Variants in CLEC6A observed in about 807,000 individuals in gnomAD.
The protein encoded by CLEC6A is C-type lectin domain containing 6A.
CLEC6A carries 22 observed loss-of-function variants against 25.7 expected under a neutral mutation model. The observed-to-expected ratio is 0.85, with a 90% confidence interval of 0.61 to 1.22. The LOEUF (loss-of-function observed/expected upper bound fraction) is 1.22. Ranked by LOEUF, CLEC6A falls within the 50% of genes most tolerant of loss-of-function variation. CLEC6A has a pLI of 0.00. For synonymous variants in CLEC6A, 92 were observed against 76.7 expected (o/e 1.20, Z -1.04); for missense variants, 240 against 236.8 (o/e 1.01, Z -0.09).
intron 3 of CLEC6A, among the ~76,000 whole-genome samples, chr12:8,461,413 C>G (rs1159824624): frequency 6.6e-6 from 1 of 152,154 alleles, no homozygotes; most frequent in Non-Finnish European, 1.5e-5. Flanking sequence ...ACAATGGGCA[C>G]CTTAGCTTTT....
At chr12:8,465,757 T>C (rs900651696) in intron 4 of CLEC6A, 128 bp downstream of exon 4, 4 of 716,194 alleles carry the variant, frequency 5.6e-6, no homozygotes, top group Non-Finnish European at 8.2e-6. Flanking sequence ...GTAACAGATC[T>C]CTAGAACTTT....
rs1470223524 is a variant in CLEC6A, at chr12:8,459,636, T to C, written c.161T>C (p.Leu54Pro). 6.8e-6 allele frequency: 11 copies of C among 1,613,418 alleles called. No homozygotes were observed. Among genetic ancestry groups the C allele is most frequent in the African/African-American group, 5.3e-5 (4 of 74,914 alleles). The change falls in exon 3 of 6, where the codon CTG becomes CCG. Residue 54 changes from leucine (L) to proline (P), a missense_variant. Physicochemically the swap from Leu to Pro is moderately conservative, Grantham distance 98. Transcript: ENST00000382073. Reference sequence around the variant, plus strand: ...ACATATGGTGAAACTGGCAAAAGGCTGTCTGAACTACACTCATATCATTCA... The same window carrying C: ...ACATATGGTGAAACTGGCAAAAGGCCGTCTGAACTACACTCATATCATTCA... ...HFTYGETGKRLSELHSYHSSL... is the reference protein window; with the variant it reads ...HFTYGETGKRPSELHSYHSSL...
intron 4 of CLEC6A, among the ~76,000 whole-genome samples, chr12:8,472,317 G>A (rs1440323791): frequency 6.6e-6 from 1 of 152,140 alleles, no homozygotes; most frequent in Non-Finnish European, 1.5e-5. Flanking sequence ...AAGCTGCCAT[G>A]CTTGCTTTCG....
At chr12:8,472,419 C>A (rs1939917532) in intron 4 of CLEC6A, among the ~76,000 whole-genome samples, 2 of 152,210 alleles carry the variant, frequency 1.3e-5, no homozygotes, top group African/African-American at 4.8e-5. Context: ...AAGGCAGTCC[C>A]CTGGAAAGCC....
At chr12:8,468,232 C>A (rs1939862730) in intron 4 of CLEC6A, among the ~76,000 whole-genome samples, 1 of 152,186 alleles carries the variant, frequency 6.6e-6, no homozygotes, top group South Asian at 2.1e-4. Context: ...CGTGAGCCAC[C>A]ACATGTGGCC....
intron 3 of CLEC6A, among the ~76,000 whole-genome samples, chr12:8,464,583 C>T (rs188739108): frequency 2.0e-5 from 3 of 152,254 alleles, no homozygotes; most frequent in Admixed American, 1.3e-4. Context: ...CCGCCCGCCT[C>T]GGCCTCCCAA....
chr12:8,464,578 C>T (rs1173136968), intron 3 of CLEC6A, among the ~76,000 whole-genome samples: 2 of 152,112 alleles, frequency 1.3e-5, no homozygotes, highest in African/African-American at 2.4e-5. Context: ...GTGATCCGCC[C>T]GCCTCGGCCT....
intron 5 of CLEC6A, 61 bp from the exon 6 acceptor site, chr12:8,477,259 C>G: frequency 1.4e-6 from 2 of 1,408,534 alleles, no homozygotes; most frequent in Non-Finnish European, 1.9e-6. Context: ...GACTTTTATA[C>G]TTTCTAATCA....
intron 2 of CLEC6A, 151 bp from the exon 3 acceptor site, chr12:8,459,446 C>A: frequency 1.8e-6 from 1 of 552,076 alleles, no homozygotes; most frequent in Middle Eastern, 4.7e-4. Context: ...TAAGTGAATA[C>A]AAGCAAATAA....
At chr12:8,476,033 C>A in intron 4 of CLEC6A, 92 bp from the exon 5 acceptor site, 1 of 737,160 alleles carries the variant, frequency 1.4e-6, no homozygotes, top group Non-Finnish European at 2.2e-6. Context: ...GTGTTTTCTT[C>A]TAAAGAATAG....
Position 8,462,846 on chromosome 12 carries a change from C to T in CLEC6A, c.224-2638C>T, listed in dbSNP as rs9705536. On this transcript the variant is annotated intron_variant, in intron 3 of 5. Transcript: ENST00000382073. ...GTGTCTTTTTCTTTTCCAAGTCTCTCGTTCCACCTAACGAGAAACACCCAC... is the reference window on the plus strand; with the variant it reads ...GTGTCTTTTTCTTTTCCAAGTCTCTTGTTCCACCTAACGAGAAACACCCAC... 5.1e-3 allele frequency among the ~76,000 whole-genome samples: 774 copies of T among 152,242 alleles called. 7 individuals are homozygous for T. Among genetic ancestry groups the T allele is most frequent in the African/African-American group, 0.017 (710 of 41,528 alleles).
chr12:8,457,829 TA>T, intron 1 of CLEC6A, 68 bp from the exon 2 acceptor site: 1 of 1,117,310 alleles, frequency 9.0e-7, no homozygotes, highest in Non-Finnish European at 1.4e-6. Context: ...TTCATTGTTG[TA>T]AGCTTCCTGG....
intron 2 of CLEC6A, among the ~76,000 whole-genome samples, chr12:8,458,414 G>A (rs1939706340): frequency 6.6e-6 from 1 of 152,184 alleles, no homozygotes; most frequent in Admixed American, 6.5e-5. Context: ...AGAGGAAAAA[G>A]TATTCAAATG....
At chr12:8,475,557 G>A (rs997678356) in intron 4 of CLEC6A, among the ~76,000 whole-genome samples, 3 of 151,918 alleles carry the variant, frequency 2.0e-5, no homozygotes, top group Non-Finnish European at 4.4e-5. Flanking sequence ...TCTAGTCCAA[G>A]GCTAGTAAAA....
At position 8,456,131 on chromosome 12, in the gene CLEC6A, C is replaced by A; in HGVS notation, c.20C>A (p.Pro7His). 6.2e-7 allele frequency: 1 copy of A among 1,613,740 alleles called. No homozygotes were observed. The highest frequency in any genetic ancestry group is 1.1e-5 in the South Asian group (1 of 91,064). The part of the protein sequence containing the change: MMQEQQ[P>H]QSTEKRGWLS... ...TGCATAATGATGCAAGAGCAGCAACCTCAAAGTACAGGTGAGTATTTCCTC... is the reference window on the plus strand; with the variant it reads ...TGCATAATGATGCAAGAGCAGCAACATCAAAGTACAGGTGAGTATTTCCTC... The change falls in exon 1 of 6, where the codon CCT becomes CAT. Residue 7 changes from proline to histidine, a missense_variant. Physicochemically the swap from Pro to His is moderately conservative, Grantham distance 77 (BLOSUM62 -2). Transcript: ENST00000382073.
chr12:8,476,336 G>A (rs1939974181), intron 5 of CLEC6A, 96 bp downstream of exon 5: 2 of 741,632 alleles, frequency 2.7e-6, no homozygotes, highest in Admixed American at 2.3e-5. Flanking sequence ...ATGATAACAG[G>A]ATCTAACAAT....
chr12:8,476,379 A>C, intron 5 of CLEC6A, 139 bp downstream of exon 5: 12 of 567,542 alleles, frequency 2.1e-5, no homozygotes, highest in Admixed American at 6.8e-5. Flanking sequence ...GCATTATCTC[A>C]CTTAAACTTC....
At chr12:8,468,069 G>A (rs965659727) in intron 4 of CLEC6A, among the ~76,000 whole-genome samples, 1 of 151,924 alleles carries the variant, frequency 6.6e-6, no homozygotes, top group African/African-American at 2.4e-5. Flanking sequence ...AGCCTCCCAA[G>A]TAGCTAGGAT....
At position 8,477,658 on chromosome 12, in the gene CLEC6A, A is replaced by G. The variant is rs1427282835; in HGVS notation, c.*194A>G. 2 of 431,950 alleles carry G rather than the reference A, an allele frequency of 4.6e-6. No individual in the cohort carries two copies. The highest frequency in any genetic ancestry group is 4.1e-6 in the Non-Finnish European group (1 of 245,234). 26.8% of individuals were successfully genotyped at this position (431,950 alleles called of 1,614,324 possible). Reference sequence around the variant, plus strand: ...TCTTCTCGTTTCCTCTTTTCCATTAATGATAGAATGCACCCTTCCTCTCTT... The same window carrying G: ...TCTTCTCGTTTCCTCTTTTCCATTAGTGATAGAATGCACCCTTCCTCTCTT... On this transcript the variant is annotated 3_prime_UTR_variant, in exon 6 of 6. Coordinates refer to ENST00000382073, the MANE Select transcript of CLEC6A (RefSeq NM_001007033.2).
Sources: gnomAD v4.1 joint callset for allele counts (sites outside exome capture counted in the v4.1 genomes callset) on GRCh38, gnomAD v4.1.1 for gene constraint, MANE v1.5 for transcripts, NCBI Gene and HGNC (gene_info 2026-07-23, HGNC 2026-07-21) for gene names.